The following SSX2IP variants were observed in gnomAD, a reference collection of about 807,000 sequenced individuals.
The protein encoded by SSX2IP is afadin- and alpha-actinin-binding protein.
SSX2IP carries 55 observed loss-of-function variants against 84.9 expected under a neutral mutation model. The ratio of observed to expected loss-of-function variants is 0.65; its 90% CI spans 0.52 to 0.81. The LOEUF is 0.81. Among genes scored for constraint, SSX2IP ranks in the 30% least tolerant of loss-of-function variants. SSX2IP has a pLI of 0.00. For missense variants in SSX2IP, 664 were observed against 705.2 expected (o/e 0.94, Z 0.66); for synonymous variants, 239 against 234.7 (o/e 1.02, Z -0.17).
chr1:84,652,085 T>C, intron 11 of SSX2IP, 88 bp from the exon 12 acceptor site: 1 of 962,544 alleles, frequency 1.0e-6, no homozygotes, highest in Admixed American at 1.9e-5. Flanking sequence ...TATCTTTGTT[T>C]GCTCTCTGGC....
At chr1:84,675,466 G>GC (rs2102489473) in intron 1 of SSX2IP, among the ~76,000 whole-genome samples, 1 of 152,314 alleles carries the variant, frequency 6.6e-6, no homozygotes, top group East Asian at 1.9e-4. Context: ...GCTGGGAACT[G>GC]CATCAGGCAA....
intron 1 of SSX2IP, among the ~76,000 whole-genome samples, chr1:84,681,030 G>A (rs552837218): frequency 9.3e-6 from 1 of 107,176 alleles, no homozygotes; most frequent in Non-Finnish European, 2.5e-5. Context: ...AAGCAGTCTT[G>A]TTGGGCAAAA....
chr1:84,670,639 A>C lies in SSX2IP; in HGVS notation c.213+7T>G, dbSNP rs1479439864. ...TTATGCTACTGTTTTTTACAAAAAC[A>C]TGTTACCTGATCAAGATATGAGATA... On this transcript the variant is annotated splice_region_variant and intron_variant, in intron 3 of 13. Coordinates refer to ENST00000342203, the MANE Select transcript of SSX2IP (RefSeq NM_001166293.2). 4 of 1,573,042 alleles carry C rather than the reference A, an allele frequency of 2.5e-6. No individual in the cohort carries two copies. The South Asian group carries it at 4.8e-5, about 19-fold the overall frequency.
At chr1:84,686,253 T>C (rs1268812524) in intron 1 of SSX2IP, among the ~76,000 whole-genome samples, 12 of 152,160 alleles carry the variant, frequency 7.9e-5, no homozygotes, top group Admixed American at 7.9e-4. Flanking sequence ...GAGACAGATA[T>C]TATAGTAAAC....
chr1:84,685,854 C>T (rs1655709086), intron 1 of SSX2IP, among the ~76,000 whole-genome samples: 1 of 151,530 alleles, frequency 6.6e-6, no homozygotes, highest in African/African-American at 2.4e-5. Flanking sequence ...AAAATAAAAT[C>T]GAAGGCTATA....
chr1:84,662,103 T>TAC, intron 8 of SSX2IP, 95 bp downstream of exon 8: 1 of 791,120 alleles, frequency 1.3e-6, no homozygotes, highest in Non-Finnish European at 2.0e-6. Flanking sequence ...CTATTCAAAA[T>TAC]ACCAATAGTG....
At position 84,664,441 on chromosome 1, in the gene SSX2IP, TAAC is replaced by T; in HGVS notation, c.646_648del (p.Val216del). The T allele has an allele frequency of 6.3e-7, 1 of 1,599,222 alleles. No homozygotes were observed. The highest frequency in any genetic ancestry group is 1.7e-4 in the Middle Eastern group (1 of 5,938). On this transcript the variant is annotated inframe_deletion, in exon 6 of 14. Transcript: ENST00000342203. ...CCTATTTTCTTATCTTTCTTGTTCA[TAAC>T]AAGTTGATGTAGACGTTCCTTCAGT... is the stretch of plus-strand genomic sequence containing the variant.
intron 11 of SSX2IP, among the ~76,000 whole-genome samples, chr1:84,653,171 C>CA (rs1335073846): frequency 6.6e-6 from 1 of 151,970 alleles, no homozygotes; most frequent in South Asian, 2.1e-4. Flanking sequence ...ATAAACAATG[C>CA]AAAAAATGGA....
Position 84,662,514 on chromosome 1 carries a change from A to C in SSX2IP, c.690T>G (p.Asn230Lys). ...TTTTTCCATCAGCTCTCCCGACATA[A>C]TTCAAAATGTCCATAGCTACAAACA... is the stretch of plus-strand genomic sequence containing the variant. ...KDKKIAMDIL[N>K]YVGRADGKRG... The change falls in exon 7 of 14, where the codon AAT becomes AAG. Residue 230 changes from asparagine to lysine, a missense_variant. Transcript: ENST00000342203. 3.1e-6 allele frequency: 5 copies of C among 1,613,950 alleles called. No individual in the cohort carries two copies. Among genetic ancestry groups the C allele is most frequent in the Non-Finnish European group, 4.2e-6 (5 of 1,179,900 alleles).
intron 4 of SSX2IP, among the ~76,000 whole-genome samples, chr1:84,667,247 T>C (rs1194504273): frequency 6.6e-6 from 1 of 152,126 alleles, no homozygotes; most frequent in Non-Finnish European, 1.5e-5. Context: ...CCTTTCTTAG[T>C]GAATCACATC....
Position 84,666,125 on chromosome 1 carries a change from A to C in SSX2IP, c.534T>G (p.Asp178Glu), listed in dbSNP as rs1652744555. ...TCTGCAATAACTGACAACTCACCTC[A>C]TCTTTCTCATTCTTTAGTAGCTGAT... ...NLHQLLKNEK[D>E]EVQKLQNIIA... The change falls in exon 5 of 14, where the codon GAT (aspartate) becomes GAG (glutamate). Residue 178 changes from aspartate to glutamate, a missense_variant. Asp to Glu is a conservative substitution (Grantham distance 45). Coordinates refer to ENST00000342203, the MANE Select transcript of SSX2IP (RefSeq NM_001166293.2). The C allele has an allele frequency of 6.2e-7, 1 of 1,607,744 alleles. No individual in the cohort carries two copies. Among genetic ancestry groups the C allele is most frequent in the Admixed American group, 1.7e-5 (1 of 59,166 alleles).
At chr1:84,657,607 T>G (rs1446549744) in intron 9 of SSX2IP, among the ~76,000 whole-genome samples, 1 of 152,108 alleles carries the variant, frequency 6.6e-6, no homozygotes, top group Non-Finnish European at 1.5e-5. Flanking sequence ...ACAGGTGGTG[T>G]TTGGTTACAT....
rs1299010075 is a variant in SSX2IP at position 84,664,439 on chromosome 1, C to T, written c.651G>A (p.Met217Ile). ...TACCTATTTTCTTATCTTTCTTGTT[C>T]ATAACAAGTTGATGTAGACGTTCCT... ...KLKERLHQLV[M>I]NKKDKKIAMD... Residue 217 changes from methionine to isoleucine, a missense_variant, in exon 6 of 14, where the codon ATG (methionine) becomes ATA (isoleucine). Physicochemically the swap from Met to Ile is conservative, Grantham distance 10. Transcript: ENST00000342203. 1.3e-6 allele frequency: 2 copies of T among 1,595,436 alleles called. No individual in the cohort carries two copies. Among genetic ancestry groups the T allele is most frequent in the Non-Finnish European group, 1.7e-6 (2 of 1,174,084 alleles).
At chr1:84,659,751 T>C (rs1557484584) in intron 8 of SSX2IP, among the ~76,000 whole-genome samples, 2 of 149,246 alleles carry the variant, frequency 1.3e-5, no homozygotes, top group African/African-American at 4.9e-5. Context: ...TGAGCTGAGA[T>C]GTCACCACAG....
chr1:84,659,829 T>C (rs1434008951), intron 8 of SSX2IP, among the ~76,000 whole-genome samples: 1 of 151,410 alleles, frequency 6.6e-6, no homozygotes, highest in African/African-American at 2.4e-5. Context: ...AATGAATAAT[T>C]ATTGCACATT....
In SSX2IP at chr1:84,670,694, G is replaced by A. The variant is rs1653445590; in HGVS notation, c.165C>T (p.Ala55=). The A allele has an allele frequency of 6.2e-7, 1 of 1,612,526 alleles. No homozygotes were observed. Among genetic ancestry groups the A allele is most frequent in the African/African-American group, 1.3e-5 (1 of 74,846 alleles). Reference sequence around the variant, plus strand: ...GTTCAATATTATCTTCTGTGCAGAAGGCACTGAAAAAACTGTGCACATTTT... The same window carrying A: ...GTTCAATATTATCTTCTGTGCAGAAAGCACTGAAAAAACTGTGCACATTTT... ...LSKNVHSFFS[A]FCTEDNIEQS... The change falls in exon 3 of 14, where the codon GCC becomes GCT. Residue 55 remains alanine (A), a synonymous_variant. Transcript: ENST00000342203.
At chr1:84,687,981 G>T (rs1656027588) in intron 1 of SSX2IP, among the ~76,000 whole-genome samples, 1 of 152,024 alleles carries the variant, frequency 6.6e-6, no homozygotes, top group Non-Finnish European at 1.5e-5. Flanking sequence ...TTTTTGTGAG[G>T]TTTTTTTGCT....
Position 84,655,951 on chromosome 1 carries a change from A to G in SSX2IP, c.1270T>C (p.Tyr424His), listed in dbSNP as rs1283203268. 1 of 1,613,668 alleles carries G rather than the reference A, an allele frequency of 6.2e-7. No homozygotes were observed. Among genetic ancestry groups the G allele is most frequent in the Non-Finnish European group, 8.5e-7 (1 of 1,179,940 alleles). Residue 424 changes from tyrosine (Y) to histidine (H), a missense_variant, in exon 11 of 14, where the codon TAT (tyrosine) becomes CAT (histidine). Transcript: ENST00000342203. Reference sequence around the variant, plus strand: ...AGACGTTCCTTTTCTTCCAACAAATAACAGTCTCGTAATAGTGAAGTGGTA... The same window carrying G: ...AGACGTTCCTTTTCTTCCAACAAATGACAGTCTCGTAATAGTGAAGTGGTA... ...DDTTSLLRDC[Y>H]LLEEKERLKE...
rs777981987 is a variant in SSX2IP at position 84,662,261 on chromosome 1, C to A, written c.864G>T (p.Met288Ile). 107 of 1,609,500 alleles carry A rather than the reference C, an allele frequency of 6.6e-5. No homozygotes were observed. Among genetic ancestry groups the A allele is most frequent in the Non-Finnish European group, 8.7e-5 (102 of 1,178,060 alleles). ...KKVLQQMKKE[M>I]ISLLSPQKKK... ...TCTTTTGGGGAGAAAGAAGAGAAATCATTTCCTTTTTCATTTGTTGAAGAA... is the reference window on the plus strand; with the variant it reads ...TCTTTTGGGGAGAAAGAAGAGAAATAATTTCCTTTTTCATTTGTTGAAGAA... The change falls in exon 8 of 14, where the codon ATG (methionine) becomes ATT (isoleucine). Residue 288 changes from methionine to isoleucine, a missense_variant. Physicochemically the swap from Met to Ile is conservative, Grantham distance 10. Coordinates refer to ENST00000342203, the MANE Select transcript of SSX2IP (RefSeq NM_001166293.2).
Sources: allele counts gnomAD v4.1 joint callset (sites outside exome capture counted in the v4.1 genomes callset), GRCh38; gene constraint gnomAD v4.1.1; transcripts MANE v1.5; gene names NCBI Gene and HGNC (gene_info 2026-07-23, HGNC 2026-07-21).